The following PLCL1 variants were observed in gnomAD, a reference collection of about 807,000 sequenced individuals.
PLCL1 encodes inactive phospholipase C-like protein 1.
In PLCL1, 41 loss-of-function variants were observed where a neutral mutation model predicts 84.4. The observed-to-expected ratio is 0.49, with a 90% CI of 0.38 to 0.63. The LOEUF (loss-of-function observed/expected upper bound fraction) is 0.63. PLCL1 is among the 30% of genes least tolerant of loss of function. The pLI is 0.00. For synonymous variants in PLCL1, 490 were observed against 488.3 expected, an observed-to-expected ratio of 1.00 and a Z score of -0.05; for missense variants, 1,206 against 1,367.8, an observed-to-expected ratio of 0.88 and a Z score of 1.87.
intron 1 of PLCL1, among the ~76,000 whole-genome samples, chr2:197,827,054 C>T (rs984584684): frequency 6.6e-5 from 10 of 152,296 alleles, no homozygotes; most frequent in African/African-American, 2.4e-4. Flanking sequence ...AGGCCACTAG[C>T]TTGGCCTGTA....
chr2:198,050,060 C>T (rs917135985), intron 1 of PLCL1, among the ~76,000 whole-genome samples: 1 of 152,084 alleles, frequency 6.6e-6, no homozygotes, highest in African/African-American at 2.4e-5. Flanking sequence ...CTCTGCAGGC[C>T]GGACTGGTTG....
At chr2:198,058,510 C>T (rs1215893347) in intron 1 of PLCL1, among the ~76,000 whole-genome samples, 1 of 151,756 alleles carries the variant, frequency 6.6e-6, no homozygotes, top group Non-Finnish European at 1.5e-5. Context: ...ATGCAATTAC[C>T]AGACTGCTTG....
Position 198,055,521 on chromosome 2 carries a change from G to GCTTT in PLCL1, c.241-28237_241-28236insCTTT, listed in dbSNP as rs35503807. ...TGTAGTTTCTCAAACCTTTTATTTTGTTTTTTTTTTTTCAACTCTGAGTGA... is the reference window on the plus strand; with the variant it reads ...TGTAGTTTCTCAAACCTTTTATTTTGCTTTTTTTTTTTTTTTCAACTCTGAGTGA... On this transcript the variant is annotated intron_variant, in intron 1 of 5. Coordinates refer to ENST00000428675, the MANE Select transcript of PLCL1 (RefSeq NM_006226.4). Among the ~76,000 whole-genome samples the GCTTT allele has an allele frequency of 8.3e-5, 12 of 144,892 alleles. No homozygotes were observed. The South Asian group carries it at 2.0e-3, about 24-fold the overall frequency.
chr2:197,839,242 A>C (rs1285057944), intron 1 of PLCL1, among the ~76,000 whole-genome samples: 1 of 152,238 alleles, frequency 6.6e-6, no homozygotes, highest in East Asian at 1.9e-4. Context: ...CTTTGAAAAC[A>C]ACCTTTAGAA....
intron 3 of PLCL1, among the ~76,000 whole-genome samples, chr2:198,090,473 A>T (rs1692997806): frequency 6.6e-6 from 1 of 152,350 alleles, no homozygotes; most frequent in African/African-American, 2.4e-5. Context: ...GGAAGAAAAG[A>T]TGAAGATTTT....
At chr2:197,822,888 G>T (rs375057340) in intron 1 of PLCL1, among the ~76,000 whole-genome samples, 1 of 152,094 alleles carries the variant, frequency 6.6e-6, no homozygotes, top group East Asian at 1.9e-4. Flanking sequence ...CAGCAAAGTT[G>T]TCTTTATATT....
intron 1 of PLCL1, among the ~76,000 whole-genome samples, chr2:197,906,142 T>A (rs556244005): frequency 3.7e-4 from 56 of 152,324 alleles, no homozygotes; most frequent in African/African-American, 1.3e-3. Context: ...TCTTTCCCCA[T>A]GCCTATGTCC....
intron 1 of PLCL1, among the ~76,000 whole-genome samples, chr2:197,987,778 C>CTA (rs1690247247): frequency 6.6e-6 from 1 of 152,130 alleles, no homozygotes; most frequent in African/African-American, 2.4e-5. Flanking sequence ...TGAGGGTCTG[C>CTA]TATATATTTT....
At position 197,809,504 on chromosome 2, in the gene PLCL1, G is replaced by T. The variant is rs1690541254; in HGVS notation, c.240+4165G>T. Among the ~76,000 whole-genome samples the T allele has an allele frequency of 2.0e-5, 3 of 152,246 alleles. No individual in the cohort carries two copies. In the South Asian group the frequency reaches 6.2e-4, roughly 32 times the overall value. ...TCTTTCCTTCAGTTCAGAACATTTGGAGGTTGATTATTCTAGAAAGGGATT... is the reference window on the plus strand; with the variant it reads ...TCTTTCCTTCAGTTCAGAACATTTGTAGGTTGATTATTCTAGAAAGGGATT... On this transcript the variant is annotated intron_variant, in intron 1 of 5. Coordinates refer to ENST00000428675, the MANE Select transcript of PLCL1 (RefSeq NM_006226.4).
Position 197,878,854 on chromosome 2 carries a change from T to C in PLCL1, c.240+73515T>C, listed in dbSNP as rs566010507. 2.0e-5 allele frequency among the ~76,000 whole-genome samples: 3 copies of C among 152,340 alleles called. No individual in the cohort carries two copies. The South Asian group carries it at 6.2e-4, about 32-fold the overall frequency. Reference sequence around the variant, plus strand: ...CTTTTTCCATAGTTTCCCTGAGCTCTCAAACTGGCAGCCAGCTGGCTGAAG... The same window carrying C: ...CTTTTTCCATAGTTTCCCTGAGCTCCCAAACTGGCAGCCAGCTGGCTGAAG... On this transcript the variant is annotated intron_variant, in intron 1 of 5. Coordinates refer to ENST00000428675, the MANE Select transcript of PLCL1 (RefSeq NM_006226.4).
intron 1 of PLCL1, among the ~76,000 whole-genome samples, chr2:197,942,921 A>G (rs1372162420): frequency 6.6e-6 from 1 of 152,182 alleles, no homozygotes; most frequent in Non-Finnish European, 1.5e-5. Flanking sequence ...ATAATAGAAT[A>G]TCAAGCCAGG....
At chr2:197,997,576 T>A (rs899353102) in intron 1 of PLCL1, among the ~76,000 whole-genome samples, 2 of 152,218 alleles carry the variant, frequency 1.3e-5, no homozygotes, top group African/African-American at 4.8e-5. Flanking sequence ...CACGCACTGA[T>A]GGCTGTTTCA....
chr2:197,806,953 A>G (rs1690498879), intron 1 of PLCL1, among the ~76,000 whole-genome samples: 1 of 152,220 alleles, frequency 6.6e-6, no homozygotes. Flanking sequence ...CAGAAGGGTC[A>G]TTGCTGAGTA....
At chr2:197,947,279 G>A (rs1413687695) in intron 1 of PLCL1, among the ~76,000 whole-genome samples, 1 of 147,676 alleles carries the variant, frequency 6.8e-6, no homozygotes, top group Non-Finnish European at 1.5e-5. Context: ...CATTATGTAT[G>A]AGCAAAATAG....
intron 1 of PLCL1, among the ~76,000 whole-genome samples, chr2:198,029,016 C>G (rs1187165171): frequency 6.6e-6 from 1 of 152,162 alleles, no homozygotes; most frequent in East Asian, 1.9e-4. Flanking sequence ...TCATGAGTGA[C>G]ATTTCTTAAC....
intron 1 of PLCL1, among the ~76,000 whole-genome samples, chr2:197,944,543 A>C (rs529228625): frequency 1.3e-5 from 2 of 152,250 alleles, no homozygotes; most frequent in African/African-American, 4.8e-5. Flanking sequence ...AACAAAGCAA[A>C]ACTCTGATTT....
In PLCL1 at chr2:198,031,743, A is replaced by AC. The variant is rs1220263308; in HGVS notation, c.241-52009dup. Among the ~76,000 whole-genome samples, 4 of 139,832 alleles carry AC rather than the reference A, an allele frequency of 2.9e-5. No homozygotes were observed. In the South Asian group the frequency reaches 9.1e-4, roughly 32 times the overall value. The allele number at this position is 139,832 out of a possible 152,430, so 91.7% of individuals were successfully genotyped here. On this transcript the variant is annotated intron_variant, in intron 1 of 5. Coordinates refer to ENST00000428675, the MANE Select transcript of PLCL1 (RefSeq NM_006226.4). ...TTGTTATTCATATATATGTCTTGTCACCCCCCTATTGAGTTGGATGCTCTT... is the reference window on the plus strand; with the variant it reads ...TTGTTATTCATATATATGTCTTGTCACCCCCCCTATTGAGTTGGATGCTCTT...
intron 5 of PLCL1, among the ~76,000 whole-genome samples, chr2:198,115,161 C>T (rs746748832): frequency 1.3e-5 from 2 of 151,586 alleles, no homozygotes; most frequent in Non-Finnish European, 2.9e-5. Flanking sequence ...TGGTAAGAGG[C>T]GATTAAGGAG....
At chr2:198,032,495 T>C (rs1691452631) in intron 1 of PLCL1, among the ~76,000 whole-genome samples, 1 of 152,176 alleles carries the variant, frequency 6.6e-6, no homozygotes. Flanking sequence ...CCAGATAACT[T>C]TGCTGTTACT....
Sources: allele counts gnomAD v4.1 joint callset (sites outside exome capture counted in the v4.1 genomes callset), GRCh38; gene constraint gnomAD v4.1.1; transcripts MANE v1.5; gene names NCBI Gene and HGNC (gene_info 2026-07-23, HGNC 2026-07-21).